Variants in TMEM33 observed in about 807,000 individuals in gnomAD.
TMEM33 encodes transmembrane protein 33.
A neutral mutation model predicts 29.7 loss-of-function variants in TMEM33; 16 were observed. That is an observed-to-expected ratio of 0.54 (90% CI 0.36 to 0.82). The LOEUF is 0.82. Ranked by LOEUF, TMEM33 falls within the 40% of genes least tolerant of loss-of-function variation. The probability of loss-of-function intolerance (pLI) is 0.00; values close to 1 mark genes in which losing one functional copy is unlikely to be tolerated. For missense variants in TMEM33, 252 were observed against 295.3 expected (o/e 0.85, Z 1.08); for synonymous variants, 112 against 109.4 (o/e 1.02, Z -0.15).
chr4:41,938,133 G>T (rs1216746619), intron 1 of TMEM33, among the ~76,000 whole-genome samples: 2 of 152,146 alleles, frequency 1.3e-5, no homozygotes, highest in African/African-American at 4.8e-5. Context: ...TTTATGTGAT[G>T]TTTTACTCAG....
chr4:41,936,681 C>T (rs1395931463), intron 1 of TMEM33, among the ~76,000 whole-genome samples: 1 of 152,186 alleles, frequency 6.6e-6, no homozygotes, highest in East Asian at 1.9e-4. Flanking sequence ...CAGAGCGAGA[C>T]CCTATCTCAG....
intron 1 of TMEM33, among the ~76,000 whole-genome samples, chr4:41,938,222 G>T (rs765071282): frequency 2.0e-5 from 3 of 152,180 alleles, no homozygotes; most frequent in Non-Finnish European, 4.4e-5. Context: ...ATTAGTTTTT[G>T]TTTAATGTTC....
intron 6 of TMEM33, 183 bp from the exon 7 acceptor site, chr4:41,953,887 A>G (rs796744441): frequency 1.5e-6 from 1 of 678,544 alleles, no homozygotes; most frequent in African/African-American, 1.8e-5. Flanking sequence ...GCAAAGTGTG[A>G]CGCAGAGACA....
At chr4:41,947,205 C>T (rs1038954866) in intron 5 of TMEM33, among the ~76,000 whole-genome samples, 6 of 150,148 alleles carry the variant, frequency 4.0e-5, no homozygotes, top group Non-Finnish European at 7.4e-5. Context: ...CACTGCGCTC[C>T]AGCCTGGCGA....
At chr4:41,949,474 ATGTGTT>A (rs1251248623) in intron 6 of TMEM33, 89 bp downstream of exon 6, 3 of 1,076,444 alleles carry the variant, frequency 2.8e-6, no homozygotes, top group Non-Finnish European at 4.0e-6. Context: ...TACTTAGCTA[ATGTGTT>A]AGACTTTAGA....
chr4:41,947,234 CAAA>C (rs527622236), intron 5 of TMEM33, among the ~76,000 whole-genome samples: 3 of 126,564 alleles, frequency 2.4e-5, no homozygotes, highest in African/African-American at 2.8e-5. Flanking sequence ...GACTCCCTCT[CAAA>C]AAAAAAAAAA....
chr4:41,937,810 A>T (rs185778985), intron 1 of TMEM33, among the ~76,000 whole-genome samples: 13 of 152,314 alleles, frequency 8.5e-5, no homozygotes, highest in Non-Finnish European at 1.8e-4. Context: ...GGTAATAGAC[A>T]TAAGTATTGG....
upstream of TMEM33, chr4:41,935,359 A>G (rs1258447844): frequency 5.7e-6 from 6 of 1,049,008 alleles, no homozygotes; most frequent in South Asian, 5.4e-5. Flanking sequence ...GGCAGGGTGC[A>G]TCCGGCCTGT....
At chr4:41,948,969 A>G (rs567676508) in intron 5 of TMEM33, among the ~76,000 whole-genome samples, 4 of 152,098 alleles carry the variant, frequency 2.6e-5, no homozygotes, top group African/African-American at 9.6e-5. Context: ...TCATTTGCAT[A>G]TTTTATGAAG....
intron 3 of TMEM33, among the ~76,000 whole-genome samples, chr4:41,940,807 CAAAAAA>C (rs11390153): frequency 3.8e-5 from 2 of 53,272 alleles, no homozygotes; most frequent in Non-Finnish European, 7.9e-5. Flanking sequence ...GACTCCTTCT[CAAAAAA>C]AAAAAAAAAA....
At chr4:41,938,730 C>CAATTGTTG (rs1198959366) in intron 2 of TMEM33, 34 bp downstream of exon 2, 1 of 1,601,108 alleles carries the variant, frequency 6.2e-7, no homozygotes, top group Non-Finnish European at 8.6e-7. Flanking sequence ...CTTTGATATT[C>CAATTGTTG]AATTGTTGAG....
chr4:41,944,188 A>G (rs1712679715), intron 4 of TMEM33: 1 of 190,542 alleles, frequency 5.2e-6, no homozygotes, highest in Non-Finnish European at 1.1e-5. Flanking sequence ...AATCTCTTGT[A>G]CACTAATTTT....
rs1048753374 is a variant in TMEM33, at chr4:41,955,667, A to C, written c.*1468A>C. On this transcript the variant is annotated 3_prime_UTR_variant, in exon 7 of 7. Transcript: ENST00000504986. ...AATCAGCTATTTTTGTATTTTTGTA[A>C]TATTTGTCCACTAAGCTGGAGAAGC... 5 of 152,362 alleles carry C rather than the reference A, an allele frequency of 3.3e-5. No homozygotes were observed. Among genetic ancestry groups the C allele is most frequent in the Non-Finnish European group, 7.3e-5 (5 of 68,034 alleles). 9.4% of individuals were successfully genotyped at this position (152,362 alleles called of 1,614,324 possible). A position where few individuals can be genotyped will look rare whatever the true frequency, so the allele number is the denominator to read the frequency against.
chr4:41,945,252 A>G (rs936122642), intron 5 of TMEM33, among the ~76,000 whole-genome samples: 1 of 152,180 alleles, frequency 6.6e-6, no homozygotes, highest in African/African-American at 2.4e-5. Context: ...ACTAGAGAAA[A>G]ACTTTTAAAA....
intron 2 of TMEM33, 70 bp downstream of exon 2, chr4:41,938,766 G>T (rs1712375012): frequency 1.6e-5 from 23 of 1,444,932 alleles, no homozygotes; most frequent in Non-Finnish European, 2.0e-5. Context: ...TGCCTTTTAG[G>T]TGTAAGACTT....
At chr4:41,936,685 A>C (rs548940443) in intron 1 of TMEM33, among the ~76,000 whole-genome samples, 38 of 152,288 alleles carry the variant, frequency 2.5e-4, no homozygotes, top group Non-Finnish European at 4.6e-4. Flanking sequence ...GCGAGACCCT[A>C]TCTCAGAAAG....
intron 5 of TMEM33, among the ~76,000 whole-genome samples, chr4:41,946,936 G>A (rs1712821763): frequency 1.3e-5 from 2 of 152,064 alleles, no homozygotes; most frequent in African/African-American, 4.8e-5. Context: ...CTAGATGAAA[G>A]TTAAAATGGT....
intron 2 of TMEM33, among the ~76,000 whole-genome samples, 192 bp downstream of exon 2, chr4:41,938,888 TA>T (rs1381720740): frequency 1.3e-5 from 2 of 152,222 alleles, no homozygotes; most frequent in African/African-American, 4.8e-5. Context: ...TTTGTGAAAC[TA>T]ACACATTGAA....
At position 41,954,317 on chromosome 4, in the gene TMEM33, T is replaced by A; in HGVS notation, c.*118T>A. Reference sequence around the variant, plus strand: ...CTCAATCCAATTTACATAATTTACATAAATGCATCTCGGTGGAAAAATAAT... The same window carrying A: ...CTCAATCCAATTTACATAATTTACAAAAATGCATCTCGGTGGAAAAATAAT... On this transcript the variant is annotated 3_prime_UTR_variant, in exon 7 of 7. Coordinates refer to ENST00000504986, the MANE Select transcript of TMEM33 (RefSeq NM_018126.3). 9.4e-7 allele frequency: 1 copy of A among 1,067,262 alleles called. No homozygotes were observed. 66.1% of individuals were successfully genotyped at this position (1,067,262 alleles called of 1,614,324 possible). A position where few individuals can be genotyped will look rare whatever the true frequency, so the allele number is the denominator to read the frequency against.
Sources: allele counts gnomAD v4.1 joint callset (sites outside exome capture counted in the v4.1 genomes callset), GRCh38; gene constraint gnomAD v4.1.1; transcripts MANE v1.5; gene names NCBI Gene and HGNC (gene_info 2026-07-23, HGNC 2026-07-21).